SMCO4: variants seen among roughly 807,000 people sequenced by gnomAD.
SMCO4 encodes the protein single-pass membrane and coiled-coil domain-containing protein 4.
In SMCO4, 4 loss-of-function variants were observed where a neutral mutation model predicts 3.6. The ratio of observed to expected loss-of-function variants is 1.11; its 90% CI spans 0.54 to 2.53. The LOEUF (loss-of-function observed/expected upper bound fraction) is 2.53, where lower values mean the gene tolerates loss of function less well. Among genes scored for constraint, SMCO4 ranks in the 30% most tolerant of loss-of-function variants. The pLI is 0.02. For missense variants in SMCO4, 70 were observed against 80.8 expected (o/e 0.87, Z 0.51); for synonymous variants, 36 against 35.3 (o/e 1.02, Z -0.07).
At chr11:93,528,095 C>T (rs1206555735) in intron 1 of SMCO4, among the ~76,000 whole-genome samples, 2 of 151,990 alleles carry the variant, frequency 1.3e-5, no homozygotes, top group South Asian at 2.1e-4. Context: ...AAAGACAGTA[C>T]ATGCTCATTG....
At chr11:93,535,451 C>G in intron 1 of SMCO4, 3 of 1,350,550 alleles carry the variant, frequency 2.2e-6, no homozygotes, top group Non-Finnish European at 3.1e-6. Flanking sequence ...CAGAGGGAGT[C>G]GAGCCAGAGT....
At chr11:93,520,354 C>T (rs1949046406) in intron 1 of SMCO4, among the ~76,000 whole-genome samples, 1 of 152,176 alleles carries the variant, frequency 6.6e-6, no homozygotes, top group Non-Finnish European at 1.5e-5. Context: ...GCAGACATTG[C>T]ATTGAGGGTT....
chr11:93,546,355 G>C (rs1430929743), upstream of SMCO4, among the ~76,000 whole-genome samples: 1 of 152,190 alleles, frequency 6.6e-6, no homozygotes, highest in Non-Finnish European at 1.5e-5. Flanking sequence ...CAATGGGCTG[G>C]CAAAATCAGC....
intron 1 of SMCO4, among the ~76,000 whole-genome samples, chr11:93,520,165 C>T (rs1172480582): frequency 6.6e-6 from 1 of 152,182 alleles, no homozygotes; most frequent in Non-Finnish European, 1.5e-5. Flanking sequence ...ATCTGGACAA[C>T]TCCCTTGTTT....
chr11:93,478,987 G>A lies in SMCO4; in HGVS notation c.*23C>T, dbSNP rs1948556270. 5 of 1,582,848 alleles carry A rather than the reference G, an allele frequency of 3.2e-6. No homozygotes were observed. The highest frequency in any genetic ancestry group is 1.3e-5 in the African/African-American group (1 of 74,568). ...CCCGCGCCTCCTCTCCCTGCCGATG[G>A]GGTCCGCAGCCGGCTGCGGGGCTCA... On this transcript the variant is annotated 3_prime_UTR_variant, in exon 3 of 3. Coordinates refer to ENST00000298966, the MANE Select transcript of SMCO4 (RefSeq NM_020179.3).
intron 1 of SMCO4, among the ~76,000 whole-genome samples, chr11:93,542,781 G>A (rs1045197860): frequency 4.1e-4 from 62 of 152,086 alleles, no homozygotes; most frequent in African/African-American, 1.4e-3. Context: ...CACCCGCAAG[G>A]TCCGCCGCCG....
chr11:93,544,513 G>A (rs1345106005), upstream of SMCO4, among the ~76,000 whole-genome samples: 1 of 152,118 alleles, frequency 6.6e-6, no homozygotes, highest in Non-Finnish European at 1.5e-5. Context: ...GATTTCTGTG[G>A]CCAATCTCTT....
chr11:93,524,028 C>T (rs569867783), intron 1 of SMCO4, among the ~76,000 whole-genome samples: 1 of 152,260 alleles, frequency 6.6e-6, no homozygotes, highest in Admixed American at 6.5e-5. Flanking sequence ...GTTACTAATG[C>T]CCTTCAGGGG....
intron 1 of SMCO4, among the ~76,000 whole-genome samples, chr11:93,506,831 A>G (rs1009508208): frequency 6.6e-6 from 1 of 152,192 alleles, no homozygotes; most frequent in African/African-American, 2.4e-5. Flanking sequence ...ATCCCATGTA[A>G]CAAAATGTTA....
intron 2 of SMCO4, among the ~76,000 whole-genome samples, chr11:93,497,353 G>C (rs1948786592): frequency 6.6e-6 from 1 of 152,200 alleles, no homozygotes; most frequent in African/African-American, 2.4e-5. Context: ...GATCAAACCT[G>C]TTAGTGTCTT....
In SMCO4 at chr11:93,481,533, A is replaced by T. The variant is rs114684297; in HGVS notation, c.-80-2264T>A. ...GCTAGCTGACATACCAACACCTGGAACACACCCCAACGGCCCTGTGAGTCA... is the reference window on the plus strand; with the variant it reads ...GCTAGCTGACATACCAACACCTGGATCACACCCCAACGGCCCTGTGAGTCA... On this transcript the variant is annotated intron_variant, in intron 2 of 2. Transcript: ENST00000298966. 1,769 of 985,256 alleles carry T rather than the reference A, an allele frequency of 1.8e-3. 27 individuals carry two copies. In the African/African-American group the frequency reaches 0.029, roughly 16 times the overall value. 61.0% of individuals were successfully genotyped at this position (985,256 alleles called of 1,614,324 possible).
At chr11:93,532,300 A>G (rs1949170787) in intron 1 of SMCO4, among the ~76,000 whole-genome samples, 1 of 152,260 alleles carries the variant, frequency 6.6e-6, no homozygotes, top group Non-Finnish European at 1.5e-5. Flanking sequence ...CCAGATAGCT[A>G]GTAAAGTACT....
chr11:93,498,995 G>C lies in SMCO4; in HGVS notation c.-81+281C>G, dbSNP rs567257347. On this transcript the variant is annotated intron_variant, in intron 2 of 2. Coordinates refer to ENST00000298966, the MANE Select transcript of SMCO4 (RefSeq NM_020179.3). ...TCTACCCGACTGGCCAAGAGAGGAA[G>C]GGTGAGACCATCAGGGGAAGGGCAA... 2.0e-5 allele frequency among the ~76,000 whole-genome samples: 3 copies of C among 152,260 alleles called. 1 individual carries two copies. The South Asian group carries it at 6.2e-4, about 32-fold the overall frequency.
intron 1 of SMCO4, among the ~76,000 whole-genome samples, chr11:93,533,795 G>A (rs1949186457): frequency 2.0e-5 from 3 of 152,082 alleles, no homozygotes; most frequent in Non-Finnish European, 4.4e-5. Flanking sequence ...ACCCTCATCT[G>A]CCCCGACAGC....
intron 1 of SMCO4, among the ~76,000 whole-genome samples, chr11:93,534,341 C>T (rs1949196212): frequency 7.1e-6 from 1 of 141,642 alleles, no homozygotes; most frequent in African/African-American, 2.6e-5. Flanking sequence ...CATATATACA[C>T]ATATATATAC....
chr11:93,483,585 G>A (rs2658801), intron 2 of SMCO4, among the ~76,000 whole-genome samples: 48,178 of 150,548 alleles, frequency 0.32, 7,877 homozygotes, highest in East Asian at 0.49. Context: ...CCTTCTAGTC[G>A]AGTCCCCTGT....
intron 2 of SMCO4, among the ~76,000 whole-genome samples, chr11:93,482,221 G>A (rs914775027): frequency 6.6e-6 from 1 of 152,182 alleles, no homozygotes; most frequent in Non-Finnish European, 1.5e-5. Context: ...GATAACGACT[G>A]GGGAGGGGAC....
At chr11:93,512,588 C>T (rs1948967539) in intron 1 of SMCO4, among the ~76,000 whole-genome samples, 1 of 151,986 alleles carries the variant, frequency 6.6e-6, no homozygotes, top group African/African-American at 2.4e-5. Context: ...AAATGCTTAC[C>T]ATTGTGTTAT....
chr11:93,553,011 G>A, the SMCO4 span, among the ~76,000 whole-genome samples: 1 of 152,150 alleles, frequency 6.6e-6, no homozygotes, highest in Admixed American at 6.5e-5. Flanking sequence ...GAACGTCAAA[G>A]GCCTGGCCAC....
Sources: gnomAD v4.1 joint callset for allele counts (sites outside exome capture counted in the v4.1 genomes callset) on GRCh38, gnomAD v4.1.1 for gene constraint, MANE v1.5 for transcripts, NCBI Gene and HGNC (gene_info 2026-07-23, HGNC 2026-07-21) for gene names.